The following LYST variants were observed in gnomAD, a reference collection of about 807,000 sequenced individuals.
LYST encodes lysosomal trafficking regulator.
Under a neutral mutation model 413.6 loss-of-function variants are expected in LYST, and 192 were observed. The ratio of observed to expected loss-of-function variants is 0.46; its 90% CI spans 0.41 to 0.52. The LOEUF is 0.52. LYST is among the 20% of genes least tolerant of loss of function. LYST has a pLI of 0.00. For missense variants in LYST, 3,815 were observed against 4,499.9 expected, an observed-to-expected ratio of 0.85 and a Z score of 4.35; for synonymous variants, 1,525 against 1,567.3, an observed-to-expected ratio of 0.97 and a Z score of 0.64.
intron 44 of LYST, among the ~76,000 whole-genome samples, chr1:235,705,002 T>A (rs1480716813): frequency 6.6e-6 from 1 of 152,272 alleles, no homozygotes; most frequent in East Asian, 1.9e-4. Flanking sequence ...TCTACATGCC[T>A]TTTTAAAAAG....
chr1:235,700,770 A>C (rs1332214641), intron 45 of LYST, among the ~76,000 whole-genome samples: 1 of 152,246 alleles, frequency 6.6e-6, no homozygotes, highest in African/African-American at 2.4e-5. Context: ...GAAGACATTA[A>C]TTTAAAAAAT....
intron 1 of LYST, among the ~76,000 whole-genome samples, chr1:235,850,941 T>C (rs1372049696): frequency 6.6e-6 from 1 of 152,162 alleles, no homozygotes; most frequent in Admixed American, 6.5e-5. Flanking sequence ...TGTAAACTAG[T>C]ACAGCCTCTA....
chr1:235,733,950 T>C (rs753550468), intron 32 of LYST, 44 bp from the exon 33 acceptor site: 11 of 970,206 alleles, frequency 1.1e-5, no homozygotes, highest in South Asian at 1.0e-4. Flanking sequence ...ATTTATTATT[T>C]CTCACCTAAC....
intron 25 of LYST, among the ~76,000 whole-genome samples, chr1:235,754,678 A>C (rs1666835617): frequency 6.6e-6 from 1 of 152,224 alleles, no homozygotes; most frequent in South Asian, 2.1e-4. Context: ...ATCATATGGC[A>C]AATAATACAT....
chr1:235,772,444 T>C (rs1229988889), intron 19 of LYST, among the ~76,000 whole-genome samples: 2 of 152,118 alleles, frequency 1.3e-5, no homozygotes, highest in African/African-American at 4.8e-5. Context: ...CAGTACCTAC[T>C]AGAACCCTGC....
chr1:235,694,170 C>T (rs1338077644), intron 46 of LYST, among the ~76,000 whole-genome samples: 11 of 152,034 alleles, frequency 7.2e-5, no homozygotes, highest in Non-Finnish European at 1.5e-4. Context: ...CCACCATGCC[C>T]GGCTGATTTT....
intron 1 of LYST, among the ~76,000 whole-genome samples, chr1:235,851,171 T>C (rs948796537): frequency 7.2e-6 from 1 of 138,842 alleles, no homozygotes; most frequent in Non-Finnish European, 1.6e-5. Context: ...TATGTAAGTA[T>C]GTATGTATAT....
intron 5 of LYST, among the ~76,000 whole-genome samples, chr1:235,807,684 C>T (rs1673019163): frequency 6.6e-6 from 1 of 152,070 alleles, no homozygotes. Flanking sequence ...ACCAGTCTAC[C>T]CATTCGTTTA....
At chr1:235,831,449 G>A (rs1308859916) in intron 2 of LYST, among the ~76,000 whole-genome samples, 1 of 152,208 alleles carries the variant, frequency 6.6e-6, no homozygotes, top group Non-Finnish European at 1.5e-5. Flanking sequence ...TGTCCTGAAA[G>A]GTCACGCAGA....
rs540649033 is a variant in LYST, at chr1:235,852,471, G to A, written c.-98+14372C>T. ...GTTGAGGTAATCTCAGCACTTTGCC[G>A]GACCTTTTTCCCGGGGAAGTCTCAC... On this transcript the variant is annotated intron_variant, in intron 1 of 52. Transcript: ENST00000389793. Among the ~76,000 whole-genome samples the A allele has an allele frequency of 8.5e-5, 13 of 152,232 alleles. No homozygotes were observed. In the South Asian group the frequency reaches 1.0e-3, roughly 12 times the overall value.
chr1:235,834,794 T>A (rs1485716421), intron 1 of LYST, among the ~76,000 whole-genome samples: 2 of 152,008 alleles, frequency 1.3e-5, no homozygotes, highest in Non-Finnish European at 2.9e-5. Context: ...ACCCCCTCAT[T>A]CCTCTGGCAG....
chr1:235,792,391 T>C (rs1307070325), intron 11 of LYST, among the ~76,000 whole-genome samples: 2 of 152,024 alleles, frequency 1.3e-5, no homozygotes, highest in African/African-American at 4.8e-5. Flanking sequence ...CTCGGCTCAC[T>C]GCAACCTCCG....
chr1:235,794,093 A>G (rs1671313941), intron 10 of LYST, among the ~76,000 whole-genome samples: 1 of 152,132 alleles, frequency 6.6e-6, no homozygotes, highest in Non-Finnish European at 1.5e-5. Flanking sequence ...TCGGCCTCCC[A>G]AAGTTCAGGG....
intron 44 of LYST, among the ~76,000 whole-genome samples, chr1:235,703,604 C>T (rs906784986): frequency 6.6e-6 from 1 of 152,108 alleles, no homozygotes; most frequent in Non-Finnish European, 1.5e-5. Context: ...CTTAGCTTTT[C>T]GTATATTTAA....
chr1:235,820,676 G>A (rs1460247168), intron 3 of LYST, among the ~76,000 whole-genome samples: 1 of 152,010 alleles, frequency 6.6e-6, no homozygotes, highest in African/African-American at 2.4e-5. Context: ...CAGCCTAATA[G>A]GTATTTCTGA....
chr1:235,856,530 A>G (rs1281842584), intron 1 of LYST, among the ~76,000 whole-genome samples: 1 of 152,214 alleles, frequency 6.6e-6, no homozygotes, highest in African/African-American at 2.4e-5. Flanking sequence ...AAAATGTAGT[A>G]AGTATCAACA....
chr1:235,662,218 A>G lies in LYST; in HGVS notation c.*722T>C, dbSNP rs1267873203. On this transcript the variant is annotated 3_prime_UTR_variant, in exon 53 of 53. Transcript: ENST00000389793. ...GGATAGTCAATATCTAGCGTTACAG[A>G]TTTTAAGTAAAATTTTTATGAAGAA... 6.5e-6 allele frequency: 1 copy of G among 152,892 alleles called. No homozygotes were observed. Among genetic ancestry groups the G allele is most frequent in the Non-Finnish European group, 1.5e-5 (1 of 68,586 alleles). 9.5% of individuals were successfully genotyped at this position (152,892 alleles called of 1,614,324 possible). A position where few individuals can be genotyped will look rare whatever the true frequency, so the allele number is the denominator to read the frequency against.
chr1:235,806,671 G>A lies in LYST; in HGVS notation c.2465C>T (p.Thr822Ile), dbSNP rs199746236. 53 of 1,613,616 alleles carry A rather than the reference G, an allele frequency of 3.3e-5. No homozygotes were observed. In the Middle Eastern group the frequency reaches 1.5e-3, roughly 45 times the overall value. The stretch of plus-strand genomic sequence containing the variant: ...TTGCTCCCCTAGGCTGATTATCAGA[G>A]TTTCAAATGCTTTTAGAGAATGACT... ...IRSHSLKAFETLIISLGEQQK... is the reference protein window; with the variant it reads ...IRSHSLKAFEILIISLGEQQK... The change falls in exon 6 of 53, where the codon ACT becomes ATT. Residue 822 changes from threonine (T) to isoleucine (I), a missense_variant. Thr to Ile is a moderately conservative substitution (Grantham distance 89). Coordinates refer to ENST00000389793, the MANE Select transcript of LYST (RefSeq NM_000081.4).
At chr1:235,690,318 A>T (rs571279568) in intron 47 of LYST, among the ~76,000 whole-genome samples, 4 of 152,306 alleles carry the variant, frequency 2.6e-5, no homozygotes, top group African/African-American at 9.6e-5. Context: ...TAATAATCCC[A>T]AAAAGGGTGC....
Sources: gnomAD v4.1 joint callset for allele counts (sites outside exome capture counted in the v4.1 genomes callset) on GRCh38, gnomAD v4.1.1 for gene constraint, MANE v1.5 for transcripts, NCBI Gene and HGNC (gene_info 2026-07-23, HGNC 2026-07-21) for gene names.